DSCAM: variants seen among roughly 807,000 people sequenced by gnomAD.
The protein encoded by DSCAM is cell adhesion molecule DSCAM.
In DSCAM, 47 loss-of-function variants were observed where a neutral mutation model predicts 217.7. That is an observed-to-expected ratio of 0.22 (90% CI 0.17 to 0.28). The LOEUF (loss-of-function observed/expected upper bound fraction) is 0.28. Among genes scored for constraint, DSCAM ranks in the 10% least tolerant of loss-of-function variants. The pLI is 1.00. For missense variants in DSCAM, 2,080 were observed against 2,618.3 expected (o/e 0.79, Z 4.49); for synonymous variants, 1,056 against 1,015.3 (o/e 1.04, Z -0.76).
chr21:40,814,620 T>C (rs2091865436), intron 1 of DSCAM, among the ~76,000 whole-genome samples: 1 of 152,198 alleles, frequency 6.6e-6, no homozygotes, highest in South Asian at 2.1e-4. Flanking sequence ...ATCATTGTTG[T>C]CAAGGGGTTT....
At chr21:40,465,105 G>A (rs188564311) in intron 3 of DSCAM, among the ~76,000 whole-genome samples, 1 of 151,998 alleles carries the variant, frequency 6.6e-6, no homozygotes, top group Non-Finnish European at 1.5e-5. Flanking sequence ...AAAGTGGCTC[G>A]TCTTTGCACT....
intron 3 of DSCAM, among the ~76,000 whole-genome samples, chr21:40,460,971 C>T (rs937221339): frequency 6.6e-6 from 1 of 152,120 alleles, no homozygotes; most frequent in African/African-American, 2.4e-5. Flanking sequence ...AACAGATATA[C>T]GGTGCATATG....
chr21:40,531,257 C>T (rs558961731), intron 3 of DSCAM, among the ~76,000 whole-genome samples: 223 of 152,310 alleles, frequency 1.5e-3, no homozygotes, highest in Non-Finnish European at 2.6e-3. Flanking sequence ...CCCAAGGCTG[C>T]TGCCGGTCTC....
At chr21:40,418,407 A>G (rs1180371161) in intron 3 of DSCAM, among the ~76,000 whole-genome samples, 1 of 152,228 alleles carries the variant, frequency 6.6e-6, no homozygotes, top group African/African-American at 2.4e-5. Flanking sequence ...GCTGAAAAAA[A>G]CTATGATATC....
intron 3 of DSCAM, among the ~76,000 whole-genome samples, chr21:40,497,884 G>A (rs1982981484): frequency 6.6e-6 from 1 of 152,198 alleles, no homozygotes; most frequent in Non-Finnish European, 1.5e-5. Context: ...TTCCAGCTAT[G>A]AGAACTGCTA....
chr21:40,124,205 G>C lies in DSCAM; in HGVS notation c.3686C>G (p.Pro1229Arg). 1 of 1,614,038 alleles carries C rather than the reference G, an allele frequency of 6.2e-7. No individual in the cohort carries two copies. The highest frequency in any genetic ancestry group is 8.5e-7 in the Non-Finnish European group (1 of 1,180,012). ...TATTTACCAACTTACTGTGGGATAG[G>C]GGTGGGAGCAGAATACAGTGTACTT... is the stretch of plus-strand genomic sequence containing the variant. ...IRKYTVFCSH[P>R]YPTVISEFEA... is the part of the protein sequence containing the mutation. The change falls in exon 20 of 33, where the codon CCC (proline) becomes CGC (arginine). Residue 1229 changes from proline to arginine, a missense_variant. This residue lies in a region of DSCAM where 1,144 missense variants were observed against 1,421.1 expected (regional missense o/e 0.81). Transcript: ENST00000400454.
rs112822790 is a variant in DSCAM, at chr21:40,341,093, T to C, written c.1211-1678A>G. On this transcript the variant is annotated intron_variant, in intron 6 of 32. Transcript: ENST00000400454. ...CTCCAGGCTATGCTCATAAGTAGCA[T>C]ATTGCAGTGTCCTTGGGTTGTAAGC... Among the ~76,000 whole-genome samples, 530 of 152,356 alleles carry C rather than the reference T, an allele frequency of 3.5e-3. 3 individuals are homozygous for C. Among genetic ancestry groups the C allele is most frequent in the Non-Finnish European group, 6.1e-3 (418 of 68,038 alleles).
intron 1 of DSCAM, among the ~76,000 whole-genome samples, chr21:40,781,909 G>A (rs924933388): frequency 2.0e-5 from 3 of 150,700 alleles, no homozygotes. Flanking sequence ...AGCACTTTGG[G>A]AGGCCGAGGT....
intron 3 of DSCAM, among the ~76,000 whole-genome samples, chr21:40,433,854 T>C (rs1180627513): frequency 1.3e-5 from 2 of 152,214 alleles, no homozygotes; most frequent in Non-Finnish European, 2.9e-5. Context: ...TCACCTGAGC[T>C]GGTTAATGTC....
intron 3 of DSCAM, among the ~76,000 whole-genome samples, chr21:40,554,288 T>C (rs2076654037): frequency 6.6e-6 from 1 of 152,092 alleles, no homozygotes; most frequent in Non-Finnish European, 1.5e-5. Flanking sequence ...ATTAGACTGC[T>C]TCTGCTAAGT....
intron 3 of DSCAM, among the ~76,000 whole-genome samples, chr21:40,504,568 A>T (rs527517976): frequency 6.6e-6 from 1 of 152,300 alleles, no homozygotes; most frequent in Admixed American, 6.5e-5. Context: ...AAAGCAAAAT[A>T]AAAAAAGAAG....
chr21:40,202,683 C>T (rs1376737068), intron 11 of DSCAM, among the ~76,000 whole-genome samples: 6 of 152,210 alleles, frequency 3.9e-5, no homozygotes, highest in African/African-American at 9.6e-5. Context: ...CTTCCTTCAA[C>T]GTTATAATCT....
At chr21:40,257,604 A>AATGAG (rs755083767) in intron 11 of DSCAM, among the ~76,000 whole-genome samples, 1 of 152,092 alleles carries the variant, frequency 6.6e-6, no homozygotes, top group Non-Finnish European at 1.5e-5. Flanking sequence ...GACAGGACTG[A>AATGAG]ATGAGCAGAA....
intron 28 of DSCAM, among the ~76,000 whole-genome samples, chr21:40,058,090 T>A (rs561451756): frequency 6.6e-6 from 1 of 151,912 alleles, no homozygotes; most frequent in African/African-American, 2.4e-5. Context: ...GCCAGAATGG[T>A]CTCAATCTCC....
intron 16 of DSCAM, among the ~76,000 whole-genome samples, chr21:40,159,003 T>C (rs1057332690): frequency 6.6e-6 from 1 of 152,242 alleles, no homozygotes; most frequent in Admixed American, 6.5e-5. Context: ...GAAATACGTT[T>C]GAAGGCACAC....
chr21:40,039,667 G>GTATC (rs1568906062), intron 32 of DSCAM, among the ~76,000 whole-genome samples: 1 of 152,122 alleles, frequency 6.6e-6, no homozygotes, highest in Non-Finnish European at 1.5e-5. Context: ...TGGCTATCAG[G>GTATC]TATCTGCTAG....
chr21:40,348,949 G>C (rs2074597224), intron 5 of DSCAM, among the ~76,000 whole-genome samples: 1 of 151,460 alleles, frequency 6.6e-6, no homozygotes. Flanking sequence ...AGACCATCCT[G>C]GCTAACACAG....
chr21:40,302,667 C>T (rs1046161071), intron 9 of DSCAM, among the ~76,000 whole-genome samples: 3 of 152,192 alleles, frequency 2.0e-5, no homozygotes, highest in African/African-American at 7.2e-5. Context: ...ACCAGCACTC[C>T]TGTCTCCCCA....
At chr21:40,838,668 TC>T (rs2092075895) in intron 1 of DSCAM, among the ~76,000 whole-genome samples, 2 of 152,152 alleles carry the variant, frequency 1.3e-5, no homozygotes, top group African/African-American at 4.8e-5. Context: ...ACTAAAAGAG[TC>T]AAGGCTTGTA....
Sources: gnomAD v4.1 joint callset for allele counts (sites outside exome capture counted in the v4.1 genomes callset) on GRCh38, gnomAD v4.1.1 for gene constraint, gnomAD v4.1.1 regional missense constraint, MANE v1.5 for transcripts, NCBI Gene and HGNC (gene_info 2026-07-23, HGNC 2026-07-21) for gene names.